ABCC1: variants seen among roughly 807,000 people sequenced by gnomAD.
ABCC1 encodes ATP binding cassette subfamily C member 1 (ABCC1 blood group), also known as multidrug resistance-associated protein 1.
Under a neutral mutation model 172.9 loss-of-function variants are expected in ABCC1, and 83 were observed. The ratio of observed to expected loss-of-function variants is 0.48; its 90% CI spans 0.40 to 0.58. ABCC1 has a LOEUF of 0.58. Ranked by LOEUF, ABCC1 falls within the 20% of genes least tolerant of loss-of-function variation. The pLI is 0.00. For missense variants in ABCC1, 1,817 were observed against 2,002.7 expected (o/e 0.91, Z 1.77); for synonymous variants, 937 against 825.2 (o/e 1.14, Z -2.32).
At chr16:16,117,680 T>A (rs2044954155) in intron 23 of ABCC1, among the ~76,000 whole-genome samples, 1 of 152,178 alleles carries the variant, frequency 6.6e-6, no homozygotes, top group African/African-American at 2.4e-5. Flanking sequence ...CCGAGGCGCG[T>A]GTATCACCTG....
chr16:15,999,769 T>TCTCTCTC (rs2047186174), intron 1 of ABCC1, among the ~76,000 whole-genome samples: 1 of 25,360 alleles, frequency 3.9e-5, no homozygotes, highest in African/African-American at 1.1e-4. Flanking sequence ...CCCGGCCTCT[T>TCTCTCTC]TCTCTCTCTC....
intron 1 of ABCC1, among the ~76,000 whole-genome samples, chr16:15,984,120 C>T (rs1192570102): frequency 6.6e-6 from 1 of 152,192 alleles, no homozygotes; most frequent in Non-Finnish European, 1.5e-5. Context: ...AGATGAGCAG[C>T]CTCCCAAGTG....
chr16:16,079,121 C>G (rs45596431), intron 15 of ABCC1, among the ~76,000 whole-genome samples: 1 of 152,308 alleles, frequency 6.6e-6, no homozygotes, highest in East Asian at 1.9e-4. Flanking sequence ...CCTCACTTCT[C>G]TAAGGGACAC....
At chr16:16,125,991 C>A in intron 26 of ABCC1, 80 bp downstream of exon 26, 1 of 1,020,398 alleles carries the variant, frequency 9.8e-7, no homozygotes, top group Non-Finnish European at 1.5e-6. Context: ...CTATCCTGTG[C>A]ACCTCTGCCT....
chr16:15,953,524 C>T (rs1160399144), intron 1 of ABCC1, among the ~76,000 whole-genome samples: 1 of 152,158 alleles, frequency 6.6e-6, no homozygotes, highest in South Asian at 2.1e-4. Flanking sequence ...TAGTGAATAG[C>T]GGTGACTTGA....
At chr16:15,965,544 G>C (rs1196299748) in intron 1 of ABCC1, among the ~76,000 whole-genome samples, 1 of 151,948 alleles carries the variant, frequency 6.6e-6, no homozygotes, top group Admixed American at 6.6e-5. Flanking sequence ...TGCCCACTTC[G>C]GCCTCCCAAA....
At chr16:15,972,393 T>G (rs931381492) in intron 1 of ABCC1, among the ~76,000 whole-genome samples, 2 of 152,194 alleles carry the variant, frequency 1.3e-5, no homozygotes, top group Non-Finnish European at 2.9e-5. Context: ...GGAATTCCAG[T>G]ACCTCTTGGA....
chr16:15,952,018 C>G (rs758472033), intron 1 of ABCC1, among the ~76,000 whole-genome samples: 4 of 152,118 alleles, frequency 2.6e-5, no homozygotes, highest in East Asian at 3.9e-4. Context: ...GTAGCGTGTC[C>G]GAGGCCAGGA....
At chr16:16,010,507 C>T (rs1406884502) in intron 3 of ABCC1, among the ~76,000 whole-genome samples, 1 of 152,104 alleles carries the variant, frequency 6.6e-6, no homozygotes, top group Admixed American at 6.6e-5. Flanking sequence ...TACTAACTGC[C>T]TGGGGTCTAA....
rs189134892 is a variant in ABCC1, at chr16:15,993,600, C to T, written c.49-14216C>T. Among the ~76,000 whole-genome samples the T allele has an allele frequency of 2.3e-3, 354 of 152,176 alleles. 2 individuals carry two copies. Among genetic ancestry groups the T allele is most frequent in the South Asian group, 9.2e-3 (44 of 4,802 alleles). ...CAGTATCTTACAATGCACAGGATGG[C>T]CCCCGACAACCAAGAATTATTTGGG... On this transcript the variant is annotated intron_variant, in intron 1 of 30. Coordinates refer to ENST00000399410, the MANE Select transcript of ABCC1 (RefSeq NM_004996.4).
chr16:15,994,458 G>A (rs1472812530), intron 1 of ABCC1, among the ~76,000 whole-genome samples: 1 of 152,162 alleles, frequency 6.6e-6, no homozygotes, highest in Admixed American at 6.5e-5. Flanking sequence ...TAAATGGACT[G>A]TGCTTGGGAA....
chr16:16,124,913 C>A lies in ABCC1; in HGVS notation c.3715C>A (p.Gln1239Lys). 1 of 1,614,126 alleles carries A rather than the reference C, an allele frequency of 6.2e-7. No homozygotes were observed. Among genetic ancestry groups the A allele is most frequent in the Non-Finnish European group, 8.5e-7 (1 of 1,180,028 alleles). ...GGGCCTCTCAGTGTCTTACTCATTG[C>A]AGGTAAGAGGGGATGCTCTTGGCTG... is the stretch of plus-strand genomic sequence containing the variant. ...LVGLSVSYSL[Q>K]VTTYLNWLVR... The change falls in exon 25 of 31, where the codon CAG becomes AAG. Residue 1239 changes from glutamine to lysine, a missense_variant and splice_region_variant. Gln to Lys is a moderately conservative substitution (Grantham distance 53). Around this residue, in one of 3 missense-constraint regions of ABCC1, gnomAD observed 1,412 missense variants for 1,600.3 expected, o/e 0.88. Transcript: ENST00000399410.
chr16:16,110,901 A>C (rs9931401), intron 21 of ABCC1, among the ~76,000 whole-genome samples: 50,928 of 151,634 alleles, frequency 0.34, 8,905 homozygotes, highest in African/African-American at 0.41. Context: ...AGAGACCCTG[A>C]GTTTGTCTCT....
chr16:16,121,893 G>T, intron 23 of ABCC1, 82 bp from the exon 24 acceptor site: 1 of 1,489,836 alleles, frequency 6.7e-7, no homozygotes. Context: ...GTTACGTCTA[G>T]ATGTTCTCCA....
chr16:16,140,780 G>A (rs866676628), intron 30 of ABCC1, among the ~76,000 whole-genome samples: 10 of 152,336 alleles, frequency 6.6e-5, no homozygotes, highest in Admixed American at 2.0e-4. Context: ...ATGCGTAGTT[G>A]TAACAGAAAG....
intron 18 of ABCC1, 30 bp from the exon 19 acceptor site, chr16:16,090,375 C>T: frequency 6.4e-7 from 1 of 1,552,418 alleles, no homozygotes; most frequent in South Asian, 1.2e-5. Flanking sequence ...CATGTGCACT[C>T]ACGTGGCCGG....
intron 20 of ABCC1, among the ~76,000 whole-genome samples, chr16:16,103,976 C>T (rs2051918966): frequency 6.6e-6 from 1 of 152,066 alleles, no homozygotes; most frequent in Non-Finnish European, 1.5e-5. Context: ...GGTTCGTGGT[C>T]TCGCTGGCCT....
chr16:16,132,510 G>GTTTGTTTTTTTTT (rs2045735792), intron 27 of ABCC1, among the ~76,000 whole-genome samples: 1 of 37,298 alleles, frequency 2.7e-5, no homozygotes, highest in African/African-American at 1.0e-4. Flanking sequence ...TTGGTTGGTT[G>GTTTGTTTTTTTTT]TTTTTTTTTT....
chr16:16,095,539 A>T (rs1272250333), intron 19 of ABCC1, among the ~76,000 whole-genome samples: 1 of 152,080 alleles, frequency 6.6e-6, no homozygotes, highest in Non-Finnish European at 1.5e-5. Flanking sequence ...CGTGACAGGG[A>T]ATCCCCTTGC....
Sources: gnomAD v4.1 joint callset for allele counts (sites outside exome capture counted in the v4.1 genomes callset) on GRCh38, gnomAD v4.1.1 for gene constraint, gnomAD v4.1.1 regional missense constraint, MANE v1.5 for transcripts, NCBI Gene and HGNC (gene_info 2026-07-23, HGNC 2026-07-21) for gene names.